Variants in CCSER1 observed in about 807,000 individuals in gnomAD.
CCSER1 encodes the protein coiled-coil serine rich protein 1.
Under a neutral mutation model 82.0 loss-of-function variants are expected in CCSER1, and 41 were observed. The observed-to-expected ratio is 0.50, with a 90% CI of 0.39 to 0.65. The LOEUF is 0.65. Ranked by LOEUF, CCSER1 falls within the 30% of genes least tolerant of loss-of-function variation. CCSER1 has a pLI of 0.00. For missense variants in CCSER1, 1,119 were observed against 1,064.2 expected (o/e 1.05, Z -0.72); for synonymous variants, 414 against 383.9 (o/e 1.08, Z -0.92).
intron 10 of CCSER1, among the ~76,000 whole-genome samples, chr4:91,159,994 C>T (rs1204889760): frequency 3.3e-5 from 5 of 151,816 alleles, no homozygotes; most frequent in African/African-American, 1.2e-4. Context: ...GTTTGCTGCA[C>T]CCATTAACTC....
intron 10 of CCSER1, among the ~76,000 whole-genome samples, chr4:91,544,604 C>A (rs1761784380): frequency 6.6e-6 from 1 of 152,118 alleles, no homozygotes; most frequent in African/African-American, 2.4e-5. Flanking sequence ...CTGGGCATCA[C>A]CAGTGGAGGC....
At chr4:90,875,997 T>C (rs1767155083) in intron 8 of CCSER1, among the ~76,000 whole-genome samples, 1 of 152,214 alleles carries the variant, frequency 6.6e-6, no homozygotes, top group African/African-American at 2.4e-5. Context: ...AAATCATGAA[T>C]AGGGTGCTTT....
intron 6 of CCSER1, among the ~76,000 whole-genome samples, 157 bp downstream of exon 6, chr4:90,628,389 T>G (rs953374946): frequency 6.6e-6 from 1 of 152,058 alleles, no homozygotes; most frequent in Admixed American, 6.5e-5. Flanking sequence ...GTCAAATGAG[T>G]GTTTTGAAGT....
At chr4:90,810,610 A>G (rs1580586495) in intron 7 of CCSER1, among the ~76,000 whole-genome samples, 1 of 151,584 alleles carries the variant, frequency 6.6e-6, no homozygotes, top group East Asian at 2.0e-4. Flanking sequence ...GTGCCAAGGC[A>G]CTCCAGCCTG....
intron 4 of CCSER1, among the ~76,000 whole-genome samples, chr4:90,422,339 C>G (rs1306730844): frequency 3.3e-5 from 5 of 152,158 alleles, no homozygotes; most frequent in Admixed American, 2.0e-4. Flanking sequence ...GACACATGAT[C>G]CTCCAGCACT....
chr4:91,323,624 G>A (rs1034201818), intron 10 of CCSER1, among the ~76,000 whole-genome samples: 2 of 152,100 alleles, frequency 1.3e-5, no homozygotes, highest in Non-Finnish European at 2.9e-5. Context: ...AATTTTGAAC[G>A]ATTTTTCTAT....
At chr4:91,534,784 A>C (rs1468909978) in intron 10 of CCSER1, among the ~76,000 whole-genome samples, 1 of 151,896 alleles carries the variant, frequency 6.6e-6, no homozygotes, top group Non-Finnish European at 1.5e-5. Context: ...TAAATATCCT[A>C]ATTACTTTGG....
At chr4:91,191,990 C>G (rs1560506259) in intron 10 of CCSER1, among the ~76,000 whole-genome samples, 1 of 152,170 alleles carries the variant, frequency 6.6e-6, no homozygotes, top group Non-Finnish European at 1.5e-5. Context: ...CTGCCTTTAA[C>G]TTGGTGCCAT....
intron 10 of CCSER1, among the ~76,000 whole-genome samples, chr4:91,229,739 A>G (rs753414257): frequency 1.3e-5 from 2 of 152,324 alleles, no homozygotes; most frequent in African/African-American, 2.4e-5. Context: ...CAGGAACAGG[A>G]AACCAAACAC....
intron 6 of CCSER1, among the ~76,000 whole-genome samples, chr4:90,689,291 G>A (rs2149220349): frequency 6.6e-6 from 1 of 152,188 alleles, no homozygotes; most frequent in Non-Finnish European, 1.5e-5. Flanking sequence ...AACTCTGGAT[G>A]CTCTTGGGCA....
rs187938217 is a variant in CCSER1, at chr4:91,061,918, T to C, written c.2173-24032T>C. On this transcript the variant is annotated intron_variant, in intron 9 of 10. Coordinates refer to ENST00000509176, the MANE Select transcript of CCSER1 (RefSeq NM_001145065.2). ...CATGTAATTAGTTTCATATGGAAGTTGGTATTTAGGTGGGGTGGTAACTCC... is the reference window on the plus strand; with the variant it reads ...CATGTAATTAGTTTCATATGGAAGTCGGTATTTAGGTGGGGTGGTAACTCC... 2.1e-4 allele frequency among the ~76,000 whole-genome samples: 32 copies of C among 152,134 alleles called. No homozygotes were observed. The East Asian group carries it at 3.3e-3, about 16-fold the overall frequency.
At chr4:90,384,663 A>T (rs1000522) in intron 3 of CCSER1, among the ~76,000 whole-genome samples, 55,379 of 151,686 alleles carry the variant, frequency 0.37, 10,621 homozygotes, top group African/African-American at 0.47. Context: ...TCTTGGAGCC[A>T]CTCCTCTCTG....
In CCSER1 at chr4:90,641,396, G is replaced by GTT. The variant is rs1488493328; in HGVS notation, c.1932+13165_1932+13166dup. On this transcript the variant is annotated intron_variant, in intron 6 of 10. Coordinates refer to ENST00000509176, the MANE Select transcript of CCSER1 (RefSeq NM_001145065.2). Reference sequence around the variant, plus strand: ...GAGGTAGTGGGGGAAGGCATGTGCAGTTACGAAGGGGCACACAGAGGTCTT... The same window carrying GTT: ...GAGGTAGTGGGGGAAGGCATGTGCAGTTTTACGAAGGGGCACACAGAGGTCTT... Among the ~76,000 whole-genome samples the GTT allele has an allele frequency of 2.6e-5, 4 of 152,112 alleles. No homozygotes were observed. In the South Asian group the frequency reaches 8.3e-4, roughly 31 times the overall value.
intron 4 of CCSER1, among the ~76,000 whole-genome samples, chr4:90,428,728 G>A (rs1757869221): frequency 6.6e-6 from 1 of 151,748 alleles, no homozygotes; most frequent in African/African-American, 2.4e-5. Flanking sequence ...GTGAAACCAC[G>A]CAGCTGAAAC....
intron 3 of CCSER1, among the ~76,000 whole-genome samples, chr4:90,330,988 A>G (rs867527398): frequency 6.6e-6 from 1 of 152,108 alleles, no homozygotes; most frequent in African/African-American, 2.4e-5. Flanking sequence ...TATTCAAATG[A>G]TTTCTACAGA....
At chr4:91,277,197 AT>A (rs1742535638) in intron 10 of CCSER1, among the ~76,000 whole-genome samples, 1 of 152,026 alleles carries the variant, frequency 6.6e-6, no homozygotes, top group Admixed American at 6.6e-5. Flanking sequence ...TCTTGTAAAT[AT>A]TTTTGAATAG....
chr4:90,997,692 A>C (rs1036261695), intron 9 of CCSER1, among the ~76,000 whole-genome samples: 1 of 152,172 alleles, frequency 6.6e-6, no homozygotes, highest in African/African-American at 2.4e-5. Context: ...ATGTACATAT[A>C]AGTTGCATAG....
At chr4:90,749,296 T>G (rs1005662759) in intron 7 of CCSER1, among the ~76,000 whole-genome samples, 1 of 151,920 alleles carries the variant, frequency 6.6e-6, no homozygotes, top group Non-Finnish European at 1.5e-5. Context: ...AAATAGGAAA[T>G]CCTTTCCCCA....
intron 10 of CCSER1, among the ~76,000 whole-genome samples, chr4:91,426,086 T>C (rs535216940): frequency 2.0e-5 from 3 of 152,234 alleles, no homozygotes; most frequent in South Asian, 4.2e-4. Flanking sequence ...CCCCTTCCTA[T>C]GTCCATGTGT....
Sources: allele counts gnomAD v4.1 joint callset (sites outside exome capture counted in the v4.1 genomes callset), GRCh38; gene constraint gnomAD v4.1.1; transcripts MANE v1.5; gene names NCBI Gene and HGNC (gene_info 2026-07-23, HGNC 2026-07-21).